The following DAB1 variants were observed in gnomAD, a reference collection of about 807,000 sequenced individuals.
The protein encoded by DAB1 is disabled homolog 1.
DAB1 carries 15 observed loss-of-function variants against 64.6 expected under a neutral mutation model. That is an observed-to-expected ratio of 0.23 (90% CI 0.16 to 0.36). The LOEUF (loss-of-function observed/expected upper bound fraction) is 0.36. Ranked by LOEUF, DAB1 falls within the 10% of genes least tolerant of loss-of-function variation. The pLI is 1.00. For synonymous variants in DAB1, 235 were observed against 251.9 expected, an observed-to-expected ratio of 0.93 and a Z score of 0.64; for missense variants, 596 against 706.7, an observed-to-expected ratio of 0.84 and a Z score of 1.78.
intron 4 of DAB1, among the ~76,000 whole-genome samples, chr1:58,200,371 C>A (rs1326781567): frequency 6.6e-6 from 1 of 152,218 alleles, no homozygotes; most frequent in Non-Finnish European, 1.5e-5. Context: ...ACCCACTCAC[C>A]TCCTCGCTTA....
At chr1:57,727,594 C>A (rs1647235745) in intron 6 of DAB1, among the ~76,000 whole-genome samples, 1 of 152,190 alleles carries the variant, frequency 6.6e-6, no homozygotes. Context: ...GAGCCACTTT[C>A]ATAATTTATT....
chr1:57,934,774 G>A (rs779711882), intron 5 of DAB1, among the ~76,000 whole-genome samples: 8 of 152,134 alleles, frequency 5.3e-5, no homozygotes, highest in Non-Finnish European at 1.0e-4. Context: ...GTAGGGTTAC[G>A]CTGCGACAGT....
At chr1:57,883,763 G>C (rs950022346) in intron 1 of DAB1, among the ~76,000 whole-genome samples, 2 of 152,200 alleles carry the variant, frequency 1.3e-5, no homozygotes, top group Admixed American at 6.5e-5. Context: ...ACAGGAGGGG[G>C]ACAAAGGCAT....
rs575189564 is a variant in DAB1, at chr1:57,485,476, G to A, written n.625+164116C>T. Among the ~76,000 whole-genome samples, 32 of 152,264 alleles carry A rather than the reference G, an allele frequency of 2.1e-4. No individual in the cohort carries two copies. The East Asian group carries it at 6.2e-3, about 29-fold the overall frequency. On this transcript the variant is annotated intron_variant and non_coding_transcript_variant, in intron 7 of 20. Transcript: ENST00000485760. Reference sequence around the variant, plus strand: ...TGCTTAGTATAGTGCTTGGCATCAGGGAATACAGAATAAATGATTCATATT... The same window carrying A: ...TGCTTAGTATAGTGCTTGGCATCAGAGAATACAGAATAAATGATTCATATT...
chr1:58,010,655 G>A (rs1436775800), intron 5 of DAB1, among the ~76,000 whole-genome samples: 1 of 152,118 alleles, frequency 6.6e-6, no homozygotes, highest in Non-Finnish European at 1.5e-5. Context: ...ATTGAGAGAG[G>A]CACAATAACT....
In DAB1 at chr1:57,459,166, G is replaced by A. The variant is rs531748077; in HGVS notation, n.626-168000C>T. ...ATCTGTGAATGGTTTCAACACTTAT[G>A]ACATAATTTATCTATAATTTTAAAC... On this transcript the variant is annotated intron_variant and non_coding_transcript_variant, in intron 7 of 20. Transcript: ENST00000485760. Among the ~76,000 whole-genome samples, 6 of 152,064 alleles carry A rather than the reference G, an allele frequency of 3.9e-5. No individual in the cohort carries two copies. In the South Asian group the frequency reaches 1.2e-3, roughly 32 times the overall value.
Position 57,834,752 on chromosome 1 carries a change from A to G in DAB1, n.88-8297T>C, listed in dbSNP as rs74074524. On this transcript the variant is annotated intron_variant and non_coding_transcript_variant, in intron 1 of 1. Transcript: ENST00000477280. The stretch of plus-strand genomic sequence containing the variant: ...TATGGTTTAAAATATATATACATAA[A>G]ATATGATAAAAGCTATAATTAGAAG... Among the ~76,000 whole-genome samples, 1,357 of 152,104 alleles carry G rather than the reference A, an allele frequency of 8.9e-3. 15 individuals carry two copies. Among genetic ancestry groups the G allele is most frequent in the African/African-American group, 0.03 (1,256 of 41,504 alleles).
chr1:57,066,672 C>A (rs1324079140), intron 8 of DAB1, among the ~76,000 whole-genome samples: 1 of 152,162 alleles, frequency 6.6e-6, no homozygotes, highest in African/African-American at 2.4e-5. Context: ...CATAAGACAT[C>A]TTCAACAGCA....
At chr1:57,545,183 C>T (rs1461124657) in intron 7 of DAB1, among the ~76,000 whole-genome samples, 3 of 152,182 alleles carry the variant, frequency 2.0e-5, no homozygotes, top group Non-Finnish European at 2.9e-5. Flanking sequence ...ATTCTACATT[C>T]ATGTCTTCTT....
At chr1:57,995,567 G>A (rs957869868) in intron 5 of DAB1, among the ~76,000 whole-genome samples, 4 of 152,126 alleles carry the variant, frequency 2.6e-5, no homozygotes, top group African/African-American at 9.7e-5. Flanking sequence ...AAATATTGCT[G>A]TCATTAATCC....
chr1:57,335,879 T>A (rs1410497285), intron 1 of DAB1, among the ~76,000 whole-genome samples: 1 of 152,240 alleles, frequency 6.6e-6, no homozygotes, highest in East Asian at 1.9e-4. Context: ...GAATAAGACA[T>A]GCATTTTGAA....
intron 3 of DAB1, chr1:58,469,045 C>A (rs1039325620): frequency 4.1e-6 from 1 of 241,022 alleles, no homozygotes; most frequent in African/African-American, 2.3e-5. Flanking sequence ...AAGGTTATCA[C>A]AGGACAGGGT....
intron 1 of DAB1, among the ~76,000 whole-genome samples, chr1:57,368,040 G>A (rs1167146133): frequency 6.6e-6 from 1 of 152,190 alleles, no homozygotes; most frequent in Non-Finnish European, 1.5e-5. Context: ...TCCTGCTATT[G>A]GCACCTGCTC....
Position 58,217,355 on chromosome 1 carries a change from T to A in DAB1, n.310-66767A>T, listed in dbSNP as rs576264802. ...CCAGAACCCCGAAAGTAGAGAAGGA[T>A]GAAGTCTGGTGTCTGCAGAGTAGAG... On this transcript the variant is annotated intron_variant and non_coding_transcript_variant, in intron 4 of 20. Transcript: ENST00000485760. 3.9e-5 allele frequency among the ~76,000 whole-genome samples: 6 copies of A among 152,270 alleles called. No homozygotes were observed. The South Asian group carries it at 1.2e-3, about 32-fold the overall frequency.
At chr1:57,126,063 C>T (rs1363802921) in intron 4 of DAB1, among the ~76,000 whole-genome samples, 1 of 152,124 alleles carries the variant, frequency 6.6e-6, no homozygotes, top group Admixed American at 6.5e-5. Context: ...TTTTGTTTCT[C>T]TTTGTTTAAA....
chr1:58,106,696 G>A (rs752189334), intron 5 of DAB1, among the ~76,000 whole-genome samples: 9 of 152,150 alleles, frequency 5.9e-5, no homozygotes, highest in Admixed American at 3.3e-4. Context: ...AGAGAGGCCA[G>A]CCTTGAACTA....
At chr1:57,644,919 C>T (rs1646174698) in intron 7 of DAB1, among the ~76,000 whole-genome samples, 1 of 152,152 alleles carries the variant, frequency 6.6e-6, no homozygotes, top group African/African-American at 2.4e-5. Flanking sequence ...TTGGTTTTTA[C>T]TGCTTTGCAG....
At chr1:58,422,564 A>G (rs927254632) in intron 3 of DAB1, among the ~76,000 whole-genome samples, 1 of 151,786 alleles carries the variant, frequency 6.6e-6, no homozygotes, top group African/African-American at 2.4e-5. Flanking sequence ...ACGGTCAGGA[A>G]GCTATGTGAT....
chr1:57,875,256 C>A (rs1314120068), intron 1 of DAB1: 1 of 152,292 alleles, frequency 6.6e-6, no homozygotes, highest in African/African-American at 2.4e-5. Context: ...TCTTGACTAC[C>A]TGGAGCCCTA....
Sources: gnomAD v4.1 joint callset for allele counts (sites outside exome capture counted in the v4.1 genomes callset) on GRCh38, gnomAD v4.1.1 for gene constraint, MANE v1.5 for transcripts, NCBI Gene and HGNC (gene_info 2026-07-23, HGNC 2026-07-21) for gene names.